The following ZNF420 variants were observed in gnomAD, a reference collection of about 807,000 sequenced individuals.
ZNF420 encodes the protein zinc finger protein 420.
ZNF420 carries 31 observed loss-of-function variants against 44.7 expected under a neutral mutation model. That is an observed-to-expected ratio of 0.69 (90% confidence interval 0.52 to 0.94). The LOEUF is 0.94. Ranked by LOEUF, ZNF420 falls within the 40% of genes least tolerant of loss-of-function variation. The probability of loss-of-function intolerance (pLI) is 0.00; values close to 1 mark genes in which losing one functional copy is unlikely to be tolerated. For synonymous variants in ZNF420, 245 were observed against 267.4 expected (o/e 0.92, Z 0.82); for missense variants, 681 against 827.9 (o/e 0.82, Z 2.18).
intron 4 of ZNF420, among the ~76,000 whole-genome samples, chr19:37,095,129 CAAAAA>C (rs57353744): frequency 1.6e-5 from 1 of 63,390 alleles, no homozygotes; most frequent in East Asian, 4.7e-4. Context: ...GACTCTGTCT[CAAAAA>C]AAAAAAAAAA....
intron 1 of ZNF420, among the ~76,000 whole-genome samples, chr19:37,041,525 G>T (rs1967452783): frequency 6.6e-6 from 1 of 152,000 alleles, no homozygotes; most frequent in African/African-American, 2.4e-5. Flanking sequence ...CGAAATGAAG[G>T]GCCAAAATAC....
At chr19:37,086,120 T>C (rs1968762023) in intron 2 of ZNF420, among the ~76,000 whole-genome samples, 1 of 151,988 alleles carries the variant, frequency 6.6e-6, no homozygotes, top group South Asian at 2.1e-4. Flanking sequence ...CTCACTACTT[T>C]TTCACTCTTA....
At chr19:37,065,511 G>A (rs73625225) in intron 1 of ZNF420, among the ~76,000 whole-genome samples, 2 of 152,366 alleles carry the variant, frequency 1.3e-5, no homozygotes, top group African/African-American at 4.8e-5. Flanking sequence ...GCCAAGGAAT[G>A]TGGCAGCCTC....
chr19:37,008,437 T>C (rs2074544978), intron 1 of ZNF420, among the ~76,000 whole-genome samples: 1 of 152,170 alleles, frequency 6.6e-6, no homozygotes, highest in Non-Finnish European at 1.5e-5. Flanking sequence ...GTGGAGATGC[T>C]TCGGACCCAG....
At chr19:37,100,329 G>T (rs1050546613) in intron 4 of ZNF420, among the ~76,000 whole-genome samples, 2 of 151,978 alleles carry the variant, frequency 1.3e-5, no homozygotes, top group Non-Finnish European at 2.9e-5. Context: ...CTGTTTTCAT[G>T]CCAATACCAT....
At chr19:37,058,771 C>G (rs976208364) in intron 1 of ZNF420, among the ~76,000 whole-genome samples, 4 of 152,210 alleles carry the variant, frequency 2.6e-5, no homozygotes, top group Non-Finnish European at 4.4e-5. Flanking sequence ...GTAATGCACA[C>G]TCACCCAATC....
At chr19:37,063,550 T>G (rs1381519160) in intron 1 of ZNF420, among the ~76,000 whole-genome samples, 4 of 103,046 alleles carry the variant, frequency 3.9e-5, no homozygotes, top group Admixed American at 1.1e-4. Flanking sequence ...ATCTCCCCCC[T>G]CCCCCGCCTA....
chr19:37,099,799 A>AT (rs1287179881), intron 4 of ZNF420, among the ~76,000 whole-genome samples: 2 of 151,944 alleles, frequency 1.3e-5, no homozygotes, highest in East Asian at 3.9e-4. Context: ...AATTTTTTGT[A>AT]TTTTTAGTAG....
At chr19:37,115,729 C>T (rs1441996878) in intron 4 of ZNF420, among the ~76,000 whole-genome samples, 6 of 151,952 alleles carry the variant, frequency 3.9e-5, no homozygotes, top group Non-Finnish European at 8.8e-5. Context: ...ACTAATCCTC[C>T]TCAGCACAGA....
intron 1 of ZNF420, among the ~76,000 whole-genome samples, chr19:37,060,885 C>G (rs1332834634): frequency 1.3e-5 from 2 of 152,022 alleles, no homozygotes; most frequent in South Asian, 4.1e-4. Context: ...AGGGAACCAA[C>G]GGGACTGGGC....
upstream of ZNF420, among the ~76,000 whole-genome samples, chr19:37,073,754 A>AG (rs1342305371): frequency 9.0e-4 from 136 of 151,276 alleles, no homozygotes; most frequent in African/African-American, 3.2e-3. Flanking sequence ...GAAAAAAGAA[A>AG]AAAAAAAAAA....
At position 37,130,191 on chromosome 19, in the gene ZNF420, G is replaced by A. The variant is rs1971590153; in HGVS notation, c.*1133G>A. 2.6e-6 allele frequency: 4 copies of A among 1,549,886 alleles called. No homozygotes were observed. The highest frequency in any genetic ancestry group is 2.6e-6 in the Non-Finnish European group (3 of 1,146,730). On this transcript the variant is annotated 3_prime_UTR_variant, in exon 5 of 5. Transcript: ENST00000337995. ...GGGACTTTGAGAATGGTATCTGGGT[G>A]TTATGGATCATGGAGCAGAAATACA...
chr19:37,027,878 G>A (rs1283786437), intron 1 of ZNF420, among the ~76,000 whole-genome samples: 1 of 152,190 alleles, frequency 6.6e-6, no homozygotes, highest in Non-Finnish European at 1.5e-5. Flanking sequence ...TGTATAAGCT[G>A]CTGTAATCAT....
chr19:37,099,868 C>T lies in ZNF420; in HGVS notation c.136+8747C>T, dbSNP rs1284920842. ...TCAGTCTCCTGACCTTGTGATCTGC[C>T]CGCCTGGGCCCCCCAAAGAGCTGGG... is the stretch of plus-strand genomic sequence containing the variant. On this transcript the variant is annotated intron_variant, in intron 4 of 4. Transcript: ENST00000337995. 3.9e-5 allele frequency among the ~76,000 whole-genome samples: 6 copies of T among 152,218 alleles called. No individual in the cohort carries two copies. In the East Asian group the frequency reaches 1.2e-3, roughly 29 times the overall value.
In ZNF420 at chr19:37,035,164, G is replaced by A. The variant is rs186436840; in HGVS notation, c.-125+27082G>A. Among the ~76,000 whole-genome samples the A allele has an allele frequency of 2.0e-5, 3 of 152,268 alleles. No individual in the cohort carries two copies. In the East Asian group the frequency reaches 5.8e-4, roughly 29 times the overall value. On this transcript the variant is annotated intron_variant, in intron 1 of 4. Transcript: ENST00000587029. Reference sequence around the variant, plus strand: ...TAATGAGTGGCCTTCCACCAGGATAGTTCAAATAATGCAACTGCCCAAATT... The same window carrying A: ...TAATGAGTGGCCTTCCACCAGGATAATTCAAATAATGCAACTGCCCAAATT...
At chr19:37,029,118 C>T (rs552560361) in intron 1 of ZNF420, among the ~76,000 whole-genome samples, 108 of 152,248 alleles carry the variant, frequency 7.1e-4, no homozygotes, top group Admixed American at 2.3e-3. Flanking sequence ...TAAGAGGGTC[C>T]AAGATTCAGA....
chr19:37,019,501 G>A (rs1211066807), intron 1 of ZNF420, among the ~76,000 whole-genome samples: 3 of 152,160 alleles, frequency 2.0e-5, no homozygotes, highest in African/African-American at 4.8e-5. Context: ...GAGGCCAGGC[G>A]TGGTGGCTCA....
At chr19:37,031,871 A>G (rs911798748) in intron 1 of ZNF420, among the ~76,000 whole-genome samples, 1 of 152,184 alleles carries the variant, frequency 6.6e-6, no homozygotes, top group African/African-American at 2.4e-5. Flanking sequence ...AATATTAAGT[A>G]TTTAAGATTC....
upstream of ZNF420, chr19:37,075,245 CAA>C (rs1368918640): frequency 1.3e-5 from 2 of 152,110 alleles, no homozygotes; most frequent in Non-Finnish European, 2.9e-5. Flanking sequence ...CATAAACAAA[CAA>C]GACACCTCAG....
Sources: allele counts gnomAD v4.1 joint callset (sites outside exome capture counted in the v4.1 genomes callset), GRCh38; gene constraint gnomAD v4.1.1; transcripts MANE v1.5; gene names NCBI Gene and HGNC (gene_info 2026-07-23, HGNC 2026-07-21).